Variants in TRIM9 observed in about 807,000 individuals in gnomAD.
TRIM9 encodes the protein E3 ubiquitin-protein ligase TRIM9.
A neutral mutation model predicts 78.3 loss-of-function variants in TRIM9; 26 were observed. The ratio of observed to expected loss-of-function variants is 0.33; its 90% CI spans 0.24 to 0.46. The LOEUF (loss-of-function observed/expected upper bound fraction) is 0.46, where lower values mean the gene tolerates loss of function less well. Ranked by LOEUF, TRIM9 falls within the 20% of genes least tolerant of loss-of-function variation. TRIM9 has a pLI of 1.00. For synonymous variants in TRIM9, 398 were observed against 416.5 expected (o/e 0.96, Z 0.54); for missense variants, 787 against 1,036.4 (o/e 0.76, Z 3.30).
intron 1 of TRIM9, among the ~76,000 whole-genome samples, chr14:51,036,757 T>G (rs548275995): frequency 6.6e-6 from 1 of 152,294 alleles, no homozygotes; most frequent in Non-Finnish European, 1.5e-5. Flanking sequence ...CTGTATATCC[T>G]CTCTCTCACT....
chr14:51,088,763 T>C (rs2064019598), intron 1 of TRIM9, among the ~76,000 whole-genome samples: 1 of 152,218 alleles, frequency 6.6e-6, no homozygotes, highest in South Asian at 2.1e-4. Flanking sequence ...GTAGATAACA[T>C]TGAATATGAT....
At chr14:51,086,379 T>G (rs2063753873) in intron 1 of TRIM9, among the ~76,000 whole-genome samples, 1 of 152,212 alleles carries the variant, frequency 6.6e-6, no homozygotes, top group South Asian at 2.1e-4. Flanking sequence ...GAGCAGTGCC[T>G]GCATGTAGTA....
At chr14:51,054,628 G>C (rs1176668043) in intron 1 of TRIM9, among the ~76,000 whole-genome samples, 1 of 151,426 alleles carries the variant, frequency 6.6e-6, no homozygotes, top group Non-Finnish European at 1.5e-5. Context: ...TCGCCAAGTT[G>C]GAGTGCAGTG....
intron 3 of TRIM9, among the ~76,000 whole-genome samples, chr14:51,018,087 G>C (rs1260732283): frequency 6.6e-6 from 1 of 152,174 alleles, no homozygotes; most frequent in Non-Finnish European, 1.5e-5. Flanking sequence ...GCTTCAAGTT[G>C]TTCCAGTGTG....
At chr14:51,068,327 CCAAAAA>C (rs566420829) in intron 1 of TRIM9, among the ~76,000 whole-genome samples, 89 of 148,576 alleles carry the variant, frequency 6.0e-4, no homozygotes, top group East Asian at 5.8e-3. Context: ...TTGGTGTGCA[CCAAAAA>C]CAAAAACAAA....
intron 3 of TRIM9, among the ~76,000 whole-genome samples, chr14:51,018,474 T>C: frequency 6.6e-6 from 1 of 152,196 alleles, no homozygotes; most frequent in East Asian, 1.9e-4. Context: ...ATAATATCCG[T>C]AACGTAAATT....
Position 51,016,213 on chromosome 14 carries a change from A to T in TRIM9, c.1042-5719T>A, listed in dbSNP as rs1487651129. Among the ~76,000 whole-genome samples, 6 of 152,314 alleles carry T rather than the reference A, an allele frequency of 3.9e-5. No individual in the cohort carries two copies. In the East Asian group the frequency reaches 1.2e-3, roughly 29 times the overall value. On this transcript the variant is annotated intron_variant, in intron 3 of 12. Coordinates refer to ENST00000684578, the MANE Select transcript of TRIM9 (RefSeq NM_001387360.1). ...AAATAGGTATTATATTGTATTGTTT[A>T]GGCAAGGGCAGGGGTCCTCAACCCC...
intron 3 of TRIM9, 33 bp from the exon 4 acceptor site, chr14:51,010,527 A>C (rs202200082): frequency 2.6e-6 from 4 of 1,529,026 alleles, no homozygotes; most frequent in South Asian, 2.3e-5. Context: ...AGAACAGTCC[A>C]AGATGGCAGA....
intron 1 of TRIM9, among the ~76,000 whole-genome samples, chr14:51,054,902 T>G (rs2060773379): frequency 6.6e-6 from 1 of 150,878 alleles, no homozygotes; most frequent in Non-Finnish European, 1.5e-5. Flanking sequence ...CTATCTTGGC[T>G]CACTGCAACC....
At chr14:51,081,620 C>T (rs770776435) in intron 1 of TRIM9, among the ~76,000 whole-genome samples, 4 of 152,232 alleles carry the variant, frequency 2.6e-5, no homozygotes, top group Non-Finnish European at 5.9e-5. Context: ...GGATTGCCCT[C>T]ACTTCAGATT....
chr14:50,986,273 A>C, intron 7 of TRIM9, 129 bp from the exon 8 acceptor site: 1 of 822,028 alleles, frequency 1.2e-6, no homozygotes, highest in Non-Finnish European at 1.7e-6. Flanking sequence ...TGCCACACTC[A>C]GGCATTTACA....
intron 3 of TRIM9, among the ~76,000 whole-genome samples, chr14:51,017,162 T>TA (rs1181765095): frequency 1.3e-5 from 2 of 152,196 alleles, no homozygotes; most frequent in East Asian, 3.8e-4. Context: ...GCATTTAACT[T>TA]AAAAAAGAGC....
At chr14:51,018,737 G>A (rs145665599) in intron 3 of TRIM9, among the ~76,000 whole-genome samples, 16 of 152,222 alleles carry the variant, frequency 1.1e-4, no homozygotes, top group African/African-American at 3.6e-4. Context: ...CAGCATCCTC[G>A]CTGAGTAATT....
intron 12 of TRIM9, chr14:50,978,699 A>T: frequency 1.2e-5 from 2 of 165,486 alleles, no homozygotes; most frequent in Non-Finnish European, 2.5e-5. Context: ...TATGCTTATT[A>T]TTTATTGTCT....
intron 4 of TRIM9, among the ~76,000 whole-genome samples, chr14:51,009,821 T>C (rs2056339400): frequency 6.6e-6 from 1 of 152,206 alleles, no homozygotes; most frequent in Non-Finnish European, 1.5e-5. Flanking sequence ...ACATGTTCCT[T>C]AACAAAAGGT....
intron 1 of TRIM9, among the ~76,000 whole-genome samples, chr14:51,038,056 G>A (rs1325070850): frequency 3.3e-5 from 5 of 152,052 alleles, no homozygotes; most frequent in African/African-American, 1.2e-4. Context: ...GTCCATGCCC[G>A]AATCCCCAGA....
chr14:51,054,543 T>C (rs1328088763), intron 1 of TRIM9, among the ~76,000 whole-genome samples: 3 of 152,104 alleles, frequency 2.0e-5, no homozygotes, highest in Non-Finnish European at 2.9e-5. Flanking sequence ...GCCAAAGTGC[T>C]GAGACTGCAG....
intron 1 of TRIM9, among the ~76,000 whole-genome samples, chr14:51,060,106 T>C (rs72687152): frequency 0.027 from 4,038 of 152,366 alleles, 75 homozygotes; most frequent in Non-Finnish European, 0.039. Flanking sequence ...GAATTTATAA[T>C]GGGCTTTCTA....
intron 1 of TRIM9, among the ~76,000 whole-genome samples, chr14:51,091,830 T>C (rs1032780061): frequency 6.6e-6 from 1 of 152,194 alleles, no homozygotes; most frequent in Non-Finnish European, 1.5e-5. Context: ...TTGTGGCAGG[T>C]AGATATCTAA....
Sources: gnomAD v4.1 joint callset for allele counts (sites outside exome capture counted in the v4.1 genomes callset) on GRCh38, gnomAD v4.1.1 for gene constraint, MANE v1.5 for transcripts, NCBI Gene and HGNC (gene_info 2026-07-23, HGNC 2026-07-21) for gene names.